The following CLPTM1 variants were observed in gnomAD, a reference collection of about 807,000 sequenced individuals.
CLPTM1 encodes putative lipid scramblase CLPTM1.
CLPTM1 carries 21 observed loss-of-function variants against 77.3 expected under a neutral mutation model. The ratio of observed to expected loss-of-function variants is 0.27; its 90% CI spans 0.19 to 0.39. The LOEUF is 0.39. Ranked by LOEUF, CLPTM1 falls within the 10% of genes least tolerant of loss-of-function variation. The pLI is 1.00. For synonymous variants in CLPTM1, 373 were observed against 381.0 expected (o/e 0.98, Z 0.24); for missense variants, 642 against 921.2 (o/e 0.70, Z 3.92).
At chr19:44,974,626 A>G (rs1600027610) in intron 4 of CLPTM1, 29 bp downstream of exon 4, 3 of 1,593,770 alleles carry the variant, frequency 1.9e-6, no homozygotes, top group East Asian at 4.5e-5. Flanking sequence ...TTCTGGCCCC[A>G]TGGCTGCTTG....
At position 44,991,192 on chromosome 19, in the gene CLPTM1, G is replaced by T. The variant is rs759507633; in HGVS notation, c.1420-46G>T. The T allele has an allele frequency of 1.9e-6, 3 of 1,609,690 alleles. No homozygotes were observed. In the East Asian group the frequency reaches 6.7e-5, roughly 36 times the overall value. Reference sequence around the variant, plus strand: ...TGAGGGCGGGGAGCAGGGCTGCCAGGCAGGGCTGAGGAGCTGGCTGACAGC... The same window carrying T: ...TGAGGGCGGGGAGCAGGGCTGCCAGTCAGGGCTGAGGAGCTGGCTGACAGC... On this transcript the variant is annotated intron_variant, in intron 11 of 13. Transcript: ENST00000337392. This position sits in a 1 kb window ranked among gnomAD's most constrained non-coding sequence, Gnocchi z 5.4.
At chr19:44,956,918 G>T (rs978054059) in intron 1 of CLPTM1, among the ~76,000 whole-genome samples, 1 of 152,124 alleles carries the variant, frequency 6.6e-6, no homozygotes. Context: ...TCTCGAGCTC[G>T]GCACTATCAA....
chr19:44,981,054 G>A (rs1970888208), intron 5 of CLPTM1, among the ~76,000 whole-genome samples: 1 of 152,082 alleles, frequency 6.6e-6, no homozygotes, highest in South Asian at 2.1e-4. Flanking sequence ...TGTTAGCCAG[G>A]ATGGTCTTGA....
chr19:44,987,974 C>A, intron 8 of CLPTM1, 106 bp from the exon 9 acceptor site: 1 of 823,726 alleles, frequency 1.2e-6, no homozygotes, highest in Non-Finnish European at 2.1e-6. Context: ...GGCTGGCCCA[C>A]CTTCAGCCTC....
chr19:44,964,496 A>C (rs949031686), intron 2 of CLPTM1, among the ~76,000 whole-genome samples: 3 of 148,422 alleles, frequency 2.0e-5, no homozygotes, highest in African/African-American at 7.4e-5. Flanking sequence ...TTTTTAGTGG[A>C]GATGGGGTTT....
At chr19:44,963,538 G>C (rs762676652) in intron 2 of CLPTM1, among the ~76,000 whole-genome samples, 9 of 151,814 alleles carry the variant, frequency 5.9e-5, no homozygotes, top group Non-Finnish European at 7.4e-5. Context: ...TGTTAGCCAG[G>C]ATGGTCTCTA....
chr19:44,969,426 A>G (rs1257661628), intron 2 of CLPTM1, among the ~76,000 whole-genome samples: 5 of 152,186 alleles, frequency 3.3e-5, no homozygotes, highest in African/African-American at 1.2e-4. Flanking sequence ...ATTTAATCAC[A>G]TGGCTGCATG....
chr19:44,977,303 A>G (rs767107847), intron 4 of CLPTM1, 40 bp from the exon 5 acceptor site: 2 of 1,473,288 alleles, frequency 1.4e-6, no homozygotes, highest in Admixed American at 3.3e-5. Flanking sequence ...CCCTCACCCC[A>G]GTTGCCCAGC....
At chr19:44,985,165 C>G (rs928956082) in intron 5 of CLPTM1, 53 bp from the exon 6 acceptor site, 2 of 1,345,396 alleles carry the variant, frequency 1.5e-6, no homozygotes, top group Non-Finnish European at 1.1e-6. Context: ...GCTCTGGAGG[C>G]TGCAGGTGCC....
intron 5 of CLPTM1, among the ~76,000 whole-genome samples, chr19:44,978,409 C>CAAAA (rs56071173): frequency 2.9e-5 from 4 of 138,886 alleles, no homozygotes; most frequent in Non-Finnish European, 4.6e-5. Flanking sequence ...GTCTCCGTCT[C>CAAAA]AAAAAAAAAA....
chr19:44,959,220 CTTT>C (rs921521738), intron 1 of CLPTM1, among the ~76,000 whole-genome samples: 2 of 144,404 alleles, frequency 1.4e-5, no homozygotes, highest in African/African-American at 2.5e-5. Flanking sequence ...TATTTTGTTT[CTTT>C]TTTTTTTTTT....
At chr19:44,975,304 A>G (rs577370969) in intron 4 of CLPTM1, among the ~76,000 whole-genome samples, 1 of 152,318 alleles carries the variant, frequency 6.6e-6, no homozygotes, top group African/African-American at 2.4e-5. Context: ...GCCTTGTGAT[A>G]ATAAGGCTGG....
chr19:44,984,772 C>T (rs1214780288), intron 5 of CLPTM1, among the ~76,000 whole-genome samples: 1 of 152,200 alleles, frequency 6.6e-6, no homozygotes, highest in Non-Finnish European at 1.5e-5. Context: ...CTGTAACCTC[C>T]ACCTCCCTAG....
At chr19:44,979,932 C>A (rs1025620761) in intron 5 of CLPTM1, among the ~76,000 whole-genome samples, 1 of 152,182 alleles carries the variant, frequency 6.6e-6, no homozygotes, top group Non-Finnish European at 1.5e-5. Flanking sequence ...TCTTGTACCC[C>A]GTTTGACGAT....
rs760275414 is a variant in CLPTM1, at chr19:44,993,054, C to T, written c.*157C>T. On this transcript the variant is annotated 3_prime_UTR_variant, in exon 14 of 14. Transcript: ENST00000337392. The stretch of plus-strand genomic sequence containing the variant: ...AGGGCCCAGCGTGTGATGTAGGGGC[C>T]GGGGCAGGCCAGGGTTTGTTTGTGG... 18 of 911,080 alleles carry T rather than the reference C, an allele frequency of 2.0e-5. No individual in the cohort carries two copies. Among genetic ancestry groups the T allele is most frequent in the African/African-American group, 1.3e-4 (8 of 61,384 alleles). The allele number at this position is 911,080 out of a possible 1,614,324, so 56.4% of individuals were successfully genotyped here. A position where few individuals can be genotyped will look rare whatever the true frequency, so the allele number is the denominator to read the frequency against.
chr19:44,991,035 C>T lies in CLPTM1; in HGVS notation c.1419+90C>T. 1 of 1,331,790 alleles carries T rather than the reference C, an allele frequency of 7.5e-7. No individual in the cohort carries two copies. Among genetic ancestry groups the T allele is most frequent in the South Asian group, 1.2e-5 (1 of 82,132 alleles). The allele number at this position is 1,331,790 out of a possible 1,614,324, so 82.5% of individuals were successfully genotyped here. A position where few individuals can be genotyped will look rare whatever the true frequency, so the allele number is the denominator to read the frequency against. On this transcript the variant is annotated intron_variant, in intron 11 of 13. Transcript: ENST00000337392. This position sits in a 1 kb window ranked among gnomAD's most constrained non-coding sequence, Gnocchi z 5.4. ...CGGGGCCGGCCATCTGTCTGCCGGA[C>T]CCATGCTTTACAGCCTGTGCCACAT...
At chr19:44,962,105 C>T (rs1395004659) in intron 2 of CLPTM1, 30 bp downstream of exon 2, 16 of 1,346,022 alleles carry the variant, frequency 1.2e-5, no homozygotes, top group South Asian at 3.9e-5. Flanking sequence ...GTTTGTTCAC[C>T]GAAAACATTC....
chr19:44,955,627 C>T, intron 1 of CLPTM1, 160 bp downstream of exon 1: 1 of 638,882 alleles, frequency 1.6e-6, no homozygotes, highest in Non-Finnish European at 2.2e-6. Context: ...GCCCGGGAGG[C>T]CGGACGGTGC....
upstream of CLPTM1, chr19:44,955,124 G>A (rs1020957150): frequency 3.3e-6 from 5 of 1,535,716 alleles, no homozygotes; most frequent in South Asian, 1.2e-5. Context: ...CAGAACTTGC[G>A]GGAGGCACAT....
Sources: allele counts gnomAD v4.1 joint callset (sites outside exome capture counted in the v4.1 genomes callset), GRCh38; gene constraint gnomAD v4.1.1; non-coding constraint Gnocchi (gnomAD v3.1); transcripts MANE v1.5; gene names NCBI Gene and HGNC (gene_info 2026-07-23, HGNC 2026-07-21).